STON1: variants seen among roughly 807,000 people sequenced by gnomAD.
STON1 encodes the protein stonin 1.
Under a neutral mutation model 60.9 loss-of-function variants are expected in STON1, and 79 were observed. That is an observed-to-expected ratio of 1.30 (90% CI 1.08 to 1.56). STON1 has a LOEUF of 1.56. STON1 is among the 40% of genes most tolerant of loss of function. The pLI, the probability that STON1 is intolerant of heterozygous loss-of-function variation, is 0.00. For missense variants in STON1, 1,166 were observed against 858.9 expected, an observed-to-expected ratio of 1.36 and a Z score of -4.47; for synonymous variants, 363 against 306.9, an observed-to-expected ratio of 1.18 and a Z score of -1.91.
chr2:48,595,139 C>A, intron 3 of STON1, 89 bp from the exon 4 acceptor site: 1 of 1,022,632 alleles, frequency 9.8e-7, no homozygotes. Context: ...TTTGTGCAGT[C>A]TGTGCCACAT....
intron 1 of STON1, among the ~76,000 whole-genome samples, chr2:48,540,326 T>G (rs1671604023): frequency 6.6e-6 from 1 of 152,192 alleles, no homozygotes; most frequent in Non-Finnish European, 1.5e-5. Flanking sequence ...GTGTTAGGCC[T>G]CAGAGGCAGC....
intron 1 of STON1, among the ~76,000 whole-genome samples, chr2:48,567,482 G>T (rs555572215): frequency 1.3e-5 from 2 of 152,282 alleles, no homozygotes; most frequent in East Asian, 3.9e-4. Flanking sequence ...CGCGATCTTA[G>T]CTCACTGCAG....
Position 48,580,778 on chromosome 2 carries a change from G to A in STON1, c.145G>A (p.Glu49Lys). Residue 49 changes from glutamate (E) to lysine (K), a missense_variant, in exon 2 of 4, where the codon GAA becomes AAA. Coordinates refer to ENST00000404752, the MANE Select transcript of STON1 (RefSeq NM_006873.4). ...GLKLNLPGLR[E>K]FPSGSSSTSS... ...GAAGCTGAACCTTCCTGGCCTCAGG[G>A]AATTTCCCAGTGGATCTTCCTCCAC... 2 of 1,556,464 alleles carry A rather than the reference G, an allele frequency of 1.3e-6. No individual in the cohort carries two copies. The highest frequency in any genetic ancestry group is 2.3e-5 in the East Asian group (1 of 42,866).
intron 1 of STON1, among the ~76,000 whole-genome samples, chr2:48,540,033 G>T (rs917551517): frequency 2.6e-5 from 4 of 152,070 alleles, no homozygotes; most frequent in African/African-American, 9.7e-5. Context: ...GCCCCAGCTC[G>T]CAGGTATTTA....
chr2:48,583,678 G>C (rs182953923), intron 2 of STON1, among the ~76,000 whole-genome samples: 80 of 151,216 alleles, frequency 5.3e-4, no homozygotes, highest in African/African-American at 1.7e-3. Context: ...TAAATTGGAG[G>C]TGGGGTTGGG....
At chr2:48,593,889 G>C (rs932005769) in intron 3 of STON1, among the ~76,000 whole-genome samples, 1 of 152,128 alleles carries the variant, frequency 6.6e-6, no homozygotes, top group African/African-American at 2.4e-5. Flanking sequence ...AGCCCCTTCA[G>C]ACCTGAAGGA....
intron 1 of STON1, among the ~76,000 whole-genome samples, chr2:48,562,592 G>GAGAT (rs1672657997): frequency 6.6e-6 from 1 of 152,236 alleles, no homozygotes; most frequent in Non-Finnish European, 1.5e-5. Flanking sequence ...CACTGCCTCA[G>GAGAT]AGATGCTAAG....
At chr2:48,594,204 T>G (rs1343948677) in intron 3 of STON1, among the ~76,000 whole-genome samples, 3 of 152,188 alleles carry the variant, frequency 2.0e-5, no homozygotes, top group Non-Finnish European at 4.4e-5. Context: ...TCTCAGAGTT[T>G]ATTTCTTGGG....
Position 48,581,053 on chromosome 2 carries a change from C to G in STON1, c.420C>G (p.His140Gln), listed in dbSNP as rs1381295878. ...CCCATGCCTTGTTACCCAGTGACCA[C>G]TCATGTACACATCCAACTCCCAAAG... Reference protein sequence around the residue: ...CLSHALLPSDHSCTHPTPKVG... With the variant: ...CLSHALLPSDQSCTHPTPKVG... Residue 140 changes from histidine (H) to glutamine (Q), a missense_variant, in exon 2 of 4, where the codon CAC (histidine) becomes CAG (glutamine). Transcript: ENST00000404752. The G allele has an allele frequency of 3.8e-6, 6 of 1,592,294 alleles. No homozygotes were observed. Among genetic ancestry groups the G allele is most frequent in the African/African-American group, 1.3e-5 (1 of 74,274 alleles).
Position 48,581,849 on chromosome 2 carries a change from C to T in STON1, c.1216C>T (p.Pro406Ser), listed in dbSNP as rs1017232294. The change falls in exon 2 of 4, where the codon CCA (proline) becomes TCA (serine). Residue 406 changes from proline to serine, a missense_variant. Physicochemically the swap from Pro to Ser is moderately conservative, Grantham distance 74. Coordinates refer to ENST00000404752, the MANE Select transcript of STON1 (RefSeq NM_006873.4). ...GATGAAGTTGCCAGCTGTTTCAAAA[C>T]CAAAAAAGAACTACGAGGAGCAAGA... The part of the protein sequence containing the change: ...ELMKLPAVSK[P>S]KKNYEEQEIS... 12 of 1,613,808 alleles carry T rather than the reference C, an allele frequency of 7.4e-6. No homozygotes were observed. The African/African-American group carries it at 1.2e-4, about 16-fold the overall frequency.
chr2:48,554,824 T>C lies in STON1; in HGVS notation c.-48+24608T>C, dbSNP rs1189046845. On this transcript the variant is annotated intron_variant, in intron 1 of 3. Transcript: ENST00000404752. ...CAATAGTGGAGGGAAGGTCAGCAGA[T>C]AAACAAGTGAACAAAGGTCTCTGGT... Among the ~76,000 whole-genome samples the C allele has an allele frequency of 2.3e-5, 2 of 87,048 alleles. 1 individual carries two copies. The highest frequency in any genetic ancestry group is 9.0e-5 in the African/African-American group (2 of 22,212). 57.1% of individuals were successfully genotyped at this position (87,048 alleles called of 152,430 possible). A position where few individuals can be genotyped will look rare whatever the true frequency, so the allele number is the denominator to read the frequency against.
intron 1 of STON1, among the ~76,000 whole-genome samples, chr2:48,544,670 C>G (rs1345212115): frequency 1.3e-5 from 2 of 152,116 alleles, no homozygotes; most frequent in African/African-American, 4.8e-5. Flanking sequence ...TTCAGCCTCC[C>G]GAGTAGCTGG....
At chr2:48,575,786 T>C (rs1182560968) in intron 1 of STON1, among the ~76,000 whole-genome samples, 1 of 148,262 alleles carries the variant, frequency 6.7e-6, no homozygotes, top group Non-Finnish European at 1.5e-5. Flanking sequence ...GAGATGCAGT[T>C]TTGCTCTTGT....
Position 48,533,366 on chromosome 2 carries a change from C to T in STON1, c.-48+3150C>T, listed in dbSNP as rs560460936. Among the ~76,000 whole-genome samples the T allele has an allele frequency of 5.3e-5, 8 of 150,872 alleles. 1 individual carries two copies. The highest frequency in any genetic ancestry group is 1.7e-4 in the African/African-American group (7 of 41,048). On this transcript the variant is annotated intron_variant, in intron 1 of 3. Coordinates refer to ENST00000404752, the MANE Select transcript of STON1 (RefSeq NM_006873.4). ...CTGCACTTCAGCCTGGGCGACAGAG[C>T]GAGACTCCGTCTCAGAAAAGAAAAG...
At position 48,581,297 on chromosome 2, in the gene STON1, A is replaced by C. The variant is rs564841877; in HGVS notation, c.664A>C (p.Asn222His). The change falls in exon 2 of 4, where the codon AAT (asparagine) becomes CAT (histidine). Residue 222 changes from asparagine to histidine, a missense_variant. By Grantham distance (68) the Asn-to-His change is moderately conservative (BLOSUM62 1). Coordinates refer to ENST00000404752, the MANE Select transcript of STON1 (RefSeq NM_006873.4). ...GATGCCTATTGACCAAAAAAGCCTAAATAAGTGTTCACTCAACTATATCTG... is the reference window on the plus strand; with the variant it reads ...GATGCCTATTGACCAAAAAAGCCTACATAAGTGTTCACTCAACTATATCTG... The part of the protein sequence containing the change: ...KEMPIDQKSL[N>H]KCSLNYICEK... 1 of 1,523,712 alleles carries C rather than the reference A, an allele frequency of 6.6e-7. No individual in the cohort carries two copies. Among genetic ancestry groups the C allele is most frequent in the South Asian group, 1.3e-5 (1 of 74,904 alleles). 94.4% of individuals were successfully genotyped at this position (1,523,712 alleles called of 1,614,324 possible).
At chr2:48,542,384 A>G (rs1240242012) in intron 1 of STON1, among the ~76,000 whole-genome samples, 1 of 152,170 alleles carries the variant, frequency 6.6e-6, no homozygotes, top group Non-Finnish European at 1.5e-5. Flanking sequence ...CACTAATTAG[A>G]TATGTGGCCT....
At chr2:48,571,737 G>A (rs1460867883) in intron 1 of STON1, among the ~76,000 whole-genome samples, 1 of 152,188 alleles carries the variant, frequency 6.6e-6, no homozygotes, top group Non-Finnish European at 1.5e-5. Context: ...AGGGAAAGAA[G>A]GTGCTGCATG....
intron 1 of STON1, among the ~76,000 whole-genome samples, chr2:48,561,423 T>C (rs765527212): frequency 6.6e-6 from 1 of 152,230 alleles, no homozygotes; most frequent in Non-Finnish European, 1.5e-5. Context: ...TTTGGGGCTA[T>C]GGACAGGGTT....
intron 1 of STON1, among the ~76,000 whole-genome samples, chr2:48,547,180 C>G (rs1297414447): frequency 6.6e-6 from 1 of 152,184 alleles, no homozygotes; most frequent in Non-Finnish European, 1.5e-5. Context: ...CAGTTGATCT[C>G]TCTGGACTCT....
Sources: gnomAD v4.1 joint callset for allele counts (sites outside exome capture counted in the v4.1 genomes callset) on GRCh38, gnomAD v4.1.1 for gene constraint, MANE v1.5 for transcripts, NCBI Gene and HGNC (gene_info 2026-07-23, HGNC 2026-07-21) for gene names.